Variants in AKAP10 observed in about 807,000 individuals in gnomAD.
AKAP10 encodes the protein A-kinase anchor protein 10, mitochondrial.
Under a neutral mutation model 80.8 loss-of-function variants are expected in AKAP10, and 24 were observed. The ratio of observed to expected loss-of-function variants is 0.30; its 90% CI spans 0.22 to 0.42. AKAP10 has a LOEUF of 0.42. Among genes scored for constraint, AKAP10 ranks in the 10% least tolerant of loss-of-function variants. The probability of loss-of-function intolerance (pLI) is 1.00; values close to 1 mark genes in which losing one functional copy is unlikely to be tolerated. For synonymous variants in AKAP10, 291 were observed against 277.7 expected, an observed-to-expected ratio of 1.05 and a Z score of -0.48; for missense variants, 661 against 794.9, an observed-to-expected ratio of 0.83 and a Z score of 2.03.
rs1227964500 is a variant in AKAP10, at chr17:19,964,352, A to G, written c.137-1330T>C. Reference sequence around the variant, plus strand: ...TGATAGTCTATCTTTCTTGGTCTCCATGGTATTATACTCTCCTAATTTCCT... The same window carrying G: ...TGATAGTCTATCTTTCTTGGTCTCCGTGGTATTATACTCTCCTAATTTCCT... On this transcript the variant is annotated intron_variant, in intron 2 of 14. Coordinates refer to ENST00000225737, the MANE Select transcript of AKAP10 (RefSeq NM_007202.4). 2.6e-5 allele frequency among the ~76,000 whole-genome samples: 4 copies of G among 152,248 alleles called. No homozygotes were observed. The East Asian group carries it at 7.7e-4, about 29-fold the overall frequency.
intron 9 of AKAP10, among the ~76,000 whole-genome samples, chr17:19,934,152 C>G (rs189677876): frequency 8.7e-4 from 132 of 152,186 alleles, no homozygotes; most frequent in Non-Finnish European, 1.4e-3. Context: ...AACTCCTGAC[C>G]TCAGGTGATC....
rs1567749530 is a variant in AKAP10, at chr17:19,909,980, T to C, written c.1835-2A>G. 2 of 1,613,314 alleles carry C rather than the reference T, an allele frequency of 1.2e-6. No individual in the cohort carries two copies. The highest frequency in any genetic ancestry group is 1.7e-6 in the Non-Finnish European group (2 of 1,179,590). ...TCATAGCTTGTGAGAACATGGATCCTAGTAAACAAAGACAAAATTGAATGT... is the reference window on the plus strand; with the variant it reads ...TCATAGCTTGTGAGAACATGGATCCCAGTAAACAAAGACAAAATTGAATGT... On this transcript the variant is annotated splice_acceptor_variant, in intron 12 of 14. Transcript: ENST00000225737. LOFTEE classifies it high-confidence loss of function.
chr17:19,914,551 A>C (rs989925272), intron 12 of AKAP10, among the ~76,000 whole-genome samples: 3 of 144,144 alleles, frequency 2.1e-5, no homozygotes, highest in African/African-American at 5.1e-5. Context: ...CTGAGGTGAG[A>C]GGATCATTTG....
At chr17:19,917,858 G>C (rs985934769) in intron 12 of AKAP10, among the ~76,000 whole-genome samples, 1 of 151,568 alleles carries the variant, frequency 6.6e-6, no homozygotes, top group Non-Finnish European at 1.5e-5. Context: ...GGGGGGCAGA[G>C]GTTGCAGTGA....
intron 12 of AKAP10, among the ~76,000 whole-genome samples, chr17:19,915,377 T>C (rs552573523): frequency 6.6e-6 from 1 of 152,306 alleles, no homozygotes; most frequent in South Asian, 2.1e-4. Flanking sequence ...GTCAGGGTCA[T>C]TAAAAAGGAA....
At chr17:19,975,688 T>C (rs1020248993) in intron 1 of AKAP10, among the ~76,000 whole-genome samples, 2 of 152,192 alleles carry the variant, frequency 1.3e-5, no homozygotes, top group African/African-American at 4.8e-5. Flanking sequence ...TCTACCCCAG[T>C]AGACAATAAG....
chr17:19,976,093 A>T (rs529955914), intron 1 of AKAP10, among the ~76,000 whole-genome samples: 1 of 152,280 alleles, frequency 6.6e-6, no homozygotes, highest in African/African-American at 2.4e-5. Flanking sequence ...TTCTCAGCTG[A>T]CAGAAGACAG....
rs2043370822 is a variant in AKAP10 at position 19,962,938 on chromosome 17, T to C, written c.221A>G (p.Asn74Ser). ...EAAGPSHVAI[N>S]AISANMDSFS... ...GGAGTCCATGTTGGCAGAAATGGCA[T>C]TGATTGCAACATGACTTGGTCCTGC... The change falls in exon 3 of 15, where the codon AAT becomes AGT. Residue 74 changes from asparagine to serine, a missense_variant. Coordinates refer to ENST00000225737, the MANE Select transcript of AKAP10 (RefSeq NM_007202.4). The C allele has an allele frequency of 6.2e-7, 1 of 1,614,130 alleles. No homozygotes were observed. The highest frequency in any genetic ancestry group is 8.5e-7 in the Non-Finnish European group (1 of 1,179,984).
chr17:19,937,164 C>T (rs539403728), intron 8 of AKAP10, among the ~76,000 whole-genome samples: 1 of 151,576 alleles, frequency 6.6e-6, no homozygotes, highest in African/African-American at 2.4e-5. Flanking sequence ...GACAGAAATA[C>T]AAAGGTTGAT....
intron 10 of AKAP10, among the ~76,000 whole-genome samples, chr17:19,927,509 G>A (rs1467656618): frequency 4.6e-5 from 7 of 152,018 alleles, no homozygotes; most frequent in African/African-American, 1.7e-4. Flanking sequence ...TTTAAAAATG[G>A]GCAAAGGGGC....
intron 5 of AKAP10, among the ~76,000 whole-genome samples, chr17:19,946,238 TATATA>T (rs2043114382): frequency 1.1e-4 from 1 of 8,794 alleles, no homozygotes; most frequent in African/African-American, 5.1e-4. Flanking sequence ...ATATATATAT[TATATA>T]TATATATATA....
At chr17:19,934,785 G>C (rs951298034) in intron 9 of AKAP10, among the ~76,000 whole-genome samples, 7 of 152,178 alleles carry the variant, frequency 4.6e-5, no homozygotes, top group Non-Finnish European at 1.0e-4. Flanking sequence ...GGCCAAAGCA[G>C]GCAGATCACT....
At chr17:19,940,840 G>A (rs780178322) in intron 7 of AKAP10, 47 bp downstream of exon 7, 1 of 1,530,672 alleles carries the variant, frequency 6.5e-7, no homozygotes, top group African/African-American at 1.4e-5. Flanking sequence ...TTGATAGTTA[G>A]AGGCTGGAAT....
chr17:19,918,591 A>T (rs891918611), intron 12 of AKAP10, among the ~76,000 whole-genome samples: 3 of 152,272 alleles, frequency 2.0e-5, no homozygotes, highest in Non-Finnish European at 4.4e-5. Flanking sequence ...AAGTGCTAGG[A>T]TTACAGGCAT....
Position 19,958,272 on chromosome 17 carries a change from A to G in AKAP10, c.619T>C (p.Leu207=), listed in dbSNP as rs1446203007. ...SFLTDSLDKR[L]EDSGSAQLFM... ...AACTGTGCTGAGCCAGAATCCTCCA[A>G]TCTCTTATCAAGAGAATCAGTTAAA... is the stretch of plus-strand genomic sequence containing the variant. Residue 207 remains leucine (L), a synonymous_variant, in exon 4 of 15, where the codon TTG becomes CTG. Transcript: ENST00000225737. 5.6e-6 allele frequency: 9 copies of G among 1,614,066 alleles called. No homozygotes were observed. The highest frequency in any genetic ancestry group is 7.6e-6 in the Non-Finnish European group (9 of 1,180,042).
chr17:19,950,599 G>A (rs981220956), intron 4 of AKAP10, among the ~76,000 whole-genome samples: 4 of 152,224 alleles, frequency 2.6e-5, no homozygotes, highest in South Asian at 2.1e-4. Flanking sequence ...ACGGAGTCTC[G>A]CTCACTCAAT....
At chr17:19,947,899 C>A (rs1196338958) in intron 4 of AKAP10, among the ~76,000 whole-genome samples, 2 of 150,714 alleles carry the variant, frequency 1.3e-5, no homozygotes, top group Non-Finnish European at 2.9e-5. Context: ...TATGGTGAAG[C>A]TTGTGTGGAT....
At chr17:19,924,590 C>T in intron 10 of AKAP10, 73 bp from the exon 11 acceptor site, 3 of 953,062 alleles carry the variant, frequency 3.1e-6, no homozygotes, top group Non-Finnish European at 4.5e-6. Context: ...CAGATTTGTA[C>T]AAAATTTTCT....
chr17:19,945,945 C>T (rs544327703), intron 5 of AKAP10, among the ~76,000 whole-genome samples: 2 of 151,274 alleles, frequency 1.3e-5, no homozygotes, highest in South Asian at 4.2e-4. Flanking sequence ...TAAGGTCTTC[C>T]TGATAAAACA....
Sources: allele counts gnomAD v4.1 joint callset (sites outside exome capture counted in the v4.1 genomes callset), GRCh38; gene constraint gnomAD v4.1.1; transcripts MANE v1.5; gene names NCBI Gene and HGNC (gene_info 2026-07-23, HGNC 2026-07-21).